The following SORCS2 variants were observed in gnomAD, a reference collection of about 807,000 sequenced individuals.
SORCS2 encodes the protein sortilin related VPS10 domain containing receptor 2.
Under a neutral mutation model 141.6 loss-of-function variants are expected in SORCS2, and 100 were observed. The observed-to-expected ratio is 0.71, with a 90% confidence interval of 0.60 to 0.83. The LOEUF (loss-of-function observed/expected upper bound fraction) is 0.83, where lower values mean the gene tolerates loss of function less well. SORCS2 is among the 40% of genes least tolerant of loss of function. The probability of loss-of-function intolerance (pLI) is 0.00; values close to 1 mark genes in which losing one functional copy is unlikely to be tolerated. For synonymous variants in SORCS2, 789 were observed against 676.9 expected (o/e 1.17, Z -2.57); for missense variants, 1,646 against 1,560.2 (o/e 1.05, Z -0.93).
chr4:7,574,649 GA>G (rs1385027061), intron 3 of SORCS2, among the ~76,000 whole-genome samples: 6 of 151,920 alleles, frequency 3.9e-5, no homozygotes, highest in Non-Finnish European at 7.4e-5. Flanking sequence ...GGAAGGGAGG[GA>G]GAGAGAGGAG....
chr4:7,740,595 C>T lies in SORCS2; in HGVS notation c.*331C>T, dbSNP rs368404127. ...CTGACTTCTCTGGGCTGAGGCTGGT[C>T]GTCCTGGAGCCCTCCCAGTACCTCG... On this transcript the variant is annotated 3_prime_UTR_variant, in exon 27 of 27. Coordinates refer to ENST00000507866, the MANE Select transcript of SORCS2 (RefSeq NM_020777.3). 2.0e-4 allele frequency: 76 copies of T among 389,224 alleles called. No homozygotes were observed. The highest frequency in any genetic ancestry group is 2.7e-4 in the Non-Finnish European group (56 of 206,840). 24.1% of individuals were successfully genotyped at this position (389,224 alleles called of 1,614,324 possible).
At chr4:7,386,133 A>G (rs545931577) in intron 1 of SORCS2, among the ~76,000 whole-genome samples, 52 of 151,974 alleles carry the variant, frequency 3.4e-4, no homozygotes, top group African/African-American at 1.2e-3. Flanking sequence ...GTACACACGC[A>G]CACATGCACA....
chr4:7,668,274 A>T (rs1447794429), intron 8 of SORCS2, among the ~76,000 whole-genome samples: 4 of 152,086 alleles, frequency 2.6e-5, no homozygotes, highest in Non-Finnish European at 4.4e-5. Flanking sequence ...GGGCGTGTGT[A>T]TGAGTGTGTA....
chr4:7,529,962 G>A (rs1733921113), intron 2 of SORCS2, among the ~76,000 whole-genome samples: 1 of 152,182 alleles, frequency 6.6e-6, no homozygotes, highest in African/African-American at 2.4e-5. Context: ...AGGGCTGGGG[G>A]TTGGGGGTCT....
chr4:7,439,911 G>T (rs1025990134), intron 2 of SORCS2, among the ~76,000 whole-genome samples: 2 of 152,138 alleles, frequency 1.3e-5, no homozygotes, highest in Non-Finnish European at 2.9e-5. Flanking sequence ...GTGGGGGCAG[G>T]TGGGTATGTG....
intron 9 of SORCS2, among the ~76,000 whole-genome samples, chr4:7,681,765 C>T (rs1723540819): frequency 6.6e-6 from 1 of 152,154 alleles, no homozygotes; most frequent in South Asian, 2.1e-4. Flanking sequence ...AAGCTCAGTG[C>T]CTGTAACATA....
chr4:7,711,640 C>A (rs111349565), intron 14 of SORCS2, among the ~76,000 whole-genome samples: 1 of 152,198 alleles, frequency 6.6e-6, no homozygotes, highest in Non-Finnish European at 1.5e-5. Context: ...AGGGAGAAAG[C>A]GAGGCACCTG....
intron 3 of SORCS2, 103 bp downstream of exon 3, chr4:7,531,732 G>A (rs1357191304): frequency 1.0e-5 from 12 of 1,184,456 alleles, no homozygotes; most frequent in Middle Eastern, 1.9e-4. Flanking sequence ...TCCTACTTTG[G>A]CCCAGGCCGG....
intron 14 of SORCS2, among the ~76,000 whole-genome samples, chr4:7,712,008 C>A (rs558606184): frequency 6.6e-6 from 1 of 152,234 alleles, no homozygotes; most frequent in South Asian, 2.1e-4. Context: ...TACCCCAGCC[C>A]ATGGAGTCCA....
chr4:7,423,450 T>A (rs1007540277), intron 2 of SORCS2, among the ~76,000 whole-genome samples: 5 of 152,128 alleles, frequency 3.3e-5, no homozygotes, highest in African/African-American at 1.2e-4. Flanking sequence ...AGGGTCTCAC[T>A]CTGTCACCCA....
intron 1 of SORCS2, among the ~76,000 whole-genome samples, chr4:7,373,334 C>G (rs1722380264): frequency 6.6e-6 from 1 of 150,950 alleles, no homozygotes; most frequent in Non-Finnish European, 1.5e-5. Flanking sequence ...AGAAATGATA[C>G]TGAGCATCTT....
chr4:7,241,227 C>G (rs928785297), intron 1 of SORCS2, among the ~76,000 whole-genome samples: 6 of 152,182 alleles, frequency 3.9e-5, no homozygotes, highest in Non-Finnish European at 7.3e-5. Flanking sequence ...GCATGAGCCA[C>G]CTCACTAAAG....
chr4:7,259,465 G>A (rs572241476), intron 1 of SORCS2, among the ~76,000 whole-genome samples: 1 of 152,160 alleles, frequency 6.6e-6, no homozygotes, highest in Non-Finnish European at 1.5e-5. Flanking sequence ...TTTGAGAAAT[G>A]GTTGCTGTGC....
chr4:7,454,425 T>A (rs1412393587), intron 2 of SORCS2, among the ~76,000 whole-genome samples: 7 of 138,128 alleles, frequency 5.1e-5, no homozygotes, highest in South Asian at 2.5e-4. Flanking sequence ...GGGGTCAGGC[T>A]CCGTGTTGGA....
intron 1 of SORCS2, among the ~76,000 whole-genome samples, chr4:7,292,416 C>T (rs969822026): frequency 3.3e-5 from 5 of 152,220 alleles, no homozygotes; most frequent in Admixed American, 6.5e-5. Context: ...AGATCTGATC[C>T]GGGCACTGGA....
intron 12 of SORCS2, among the ~76,000 whole-genome samples, chr4:7,702,757 A>G (rs1437163673): frequency 2.6e-5 from 4 of 152,124 alleles, no homozygotes; most frequent in Non-Finnish European, 4.4e-5. Flanking sequence ...GTCTTTGAGG[A>G]GCTTTGGACT....
At chr4:7,506,922 C>T (rs1732308586) in intron 2 of SORCS2, among the ~76,000 whole-genome samples, 1 of 152,110 alleles carries the variant, frequency 6.6e-6, no homozygotes, top group African/African-American at 2.4e-5. Context: ...CCTATTAAGA[C>T]ATGTAGAAAG....
Position 7,531,631 on chromosome 4 carries a change from T to C in SORCS2, c.648+2T>C, listed in dbSNP as rs1429391885. On this transcript the variant is annotated splice_donor_variant, in intron 3 of 26. Coordinates refer to ENST00000507866, the MANE Select transcript of SORCS2 (RefSeq NM_020777.3). LOFTEE classifies it high-confidence loss of function. The stretch of plus-strand genomic sequence containing the variant: ...ATCTGCCCGACCAACAAGAGGAAGG[T>C]AGGTGCTGGCTGGGGGTGGCCGCCA... 3.1e-6 allele frequency: 5 copies of C among 1,613,072 alleles called. No homozygotes were observed. Among genetic ancestry groups the C allele is most frequent in the East Asian group, 2.2e-5 (1 of 44,864 alleles).
At chr4:7,319,875 T>G (rs1354356930) in intron 1 of SORCS2, among the ~76,000 whole-genome samples, 1 of 152,272 alleles carries the variant, frequency 6.6e-6, no homozygotes, top group Non-Finnish European at 1.5e-5. Flanking sequence ...TACTCTGCTT[T>G]TCTGCAGGCT....
Sources: gnomAD v4.1 joint callset for allele counts (sites outside exome capture counted in the v4.1 genomes callset) on GRCh38, gnomAD v4.1.1 for gene constraint, MANE v1.5 for transcripts, NCBI Gene and HGNC (gene_info 2026-07-23, HGNC 2026-07-21) for gene names.